Variants in DLG2 observed in about 807,000 individuals in gnomAD.
DLG2 encodes the protein discs large MAGUK scaffold protein 2.
In DLG2, 45 loss-of-function variants were observed where a neutral mutation model predicts 132.5. That is an observed-to-expected ratio of 0.34 (90% CI 0.27 to 0.44). The LOEUF (loss-of-function observed/expected upper bound fraction) is 0.44. Ranked by LOEUF, DLG2 falls within the 20% of genes least tolerant of loss-of-function variation. The pLI is 1.00. For missense variants in DLG2, 1,045 were observed against 1,196.9 expected, an observed-to-expected ratio of 0.87 and a Z score of 1.87; for synonymous variants, 424 against 419.6, an observed-to-expected ratio of 1.01 and a Z score of -0.13.
intron 4 of DLG2, among the ~76,000 whole-genome samples, chr11:85,185,593 G>A (rs1439122968): frequency 6.6e-6 from 1 of 151,562 alleles, no homozygotes; most frequent in African/African-American, 2.4e-5. Flanking sequence ...CCTTTTCCCA[G>A]TGCCACTAAT....
chr11:84,659,199 G>A (rs2099691778), intron 6 of DLG2, among the ~76,000 whole-genome samples: 1 of 151,856 alleles, frequency 6.6e-6, no homozygotes, highest in African/African-American at 2.4e-5. Flanking sequence ...CCAACTTGTA[G>A]GTAGCCTCAA....
chr11:83,973,710 AT>A (rs67082437), intron 12 of DLG2, among the ~76,000 whole-genome samples: 6 of 152,046 alleles, frequency 3.9e-5, no homozygotes, highest in African/African-American at 1.4e-4. Context: ...ACCTAAAAAA[AT>A]AAAATAAAAT....
At chr11:83,760,101 A>G (rs978623339) in intron 18 of DLG2, among the ~76,000 whole-genome samples, 1 of 152,208 alleles carries the variant, frequency 6.6e-6, no homozygotes, top group African/African-American at 2.4e-5. Flanking sequence ...TGCTTAATAA[A>G]CAAACTCAAC....
At chr11:85,440,257 T>A (rs1480601922) in intron 3 of DLG2, among the ~76,000 whole-genome samples, 2 of 152,196 alleles carry the variant, frequency 1.3e-5, no homozygotes, top group African/African-American at 4.8e-5. Flanking sequence ...ATAAATCATG[T>A]AACAATTGCT....
chr11:85,573,521 C>T (rs757554327), intron 3 of DLG2, among the ~76,000 whole-genome samples: 3 of 152,088 alleles, frequency 2.0e-5, no homozygotes, highest in Admixed American at 6.6e-5. Flanking sequence ...AGTGTAGTGG[C>T]TAGTAGCCAC....
chr11:84,245,175 C>T (rs1179340133), intron 8 of DLG2, among the ~76,000 whole-genome samples: 1 of 152,158 alleles, frequency 6.6e-6, no homozygotes, highest in Non-Finnish European at 1.5e-5. Context: ...GTCTCTATGT[C>T]ACTGAACCCA....
At chr11:85,365,192 C>A (rs189361780) in intron 3 of DLG2, among the ~76,000 whole-genome samples, 1 of 152,224 alleles carries the variant, frequency 6.6e-6, no homozygotes, top group East Asian at 1.9e-4. Context: ...CTCTCAGGAG[C>A]GGCTCTTTTT....
intron 2 of DLG2, among the ~76,000 whole-genome samples, chr11:85,602,746 C>T (rs2080256863): frequency 6.6e-6 from 1 of 152,210 alleles, no homozygotes; most frequent in South Asian, 2.1e-4. Flanking sequence ...TCTTAGACCT[C>T]TCCTCTTGCT....
intron 6 of DLG2, among the ~76,000 whole-genome samples, chr11:84,699,011 A>T (rs1456852804): frequency 6.6e-6 from 1 of 151,584 alleles, no homozygotes; most frequent in Non-Finnish European, 1.5e-5. Context: ...TCTGTGATCC[A>T]TTACAATTGT....
intron 6 of DLG2, among the ~76,000 whole-genome samples, chr11:84,569,133 C>T (rs2099470216): frequency 6.6e-6 from 1 of 152,154 alleles, no homozygotes; most frequent in South Asian, 2.1e-4. Flanking sequence ...CTACCAGTGT[C>T]AGAGCAAAGG....
intron 8 of DLG2, among the ~76,000 whole-genome samples, chr11:84,182,738 G>T (rs1263655353): frequency 6.6e-6 from 1 of 151,960 alleles, no homozygotes; most frequent in Non-Finnish European, 1.5e-5. Flanking sequence ...CAGAAGAAAA[G>T]AAGTAAAAGT....
chr11:85,059,738 G>C (rs1451558924), intron 6 of DLG2, among the ~76,000 whole-genome samples: 2 of 151,598 alleles, frequency 1.3e-5, no homozygotes, highest in Non-Finnish European at 3.0e-5. Flanking sequence ...AGTCAGAGGA[G>C]TGGTTATTTT....
At chr11:83,532,849 A>G (rs1392048880) in intron 20 of DLG2, 66 bp from the exon 21 acceptor site, 2 of 1,359,482 alleles carry the variant, frequency 1.5e-6, no homozygotes, top group Non-Finnish European at 2.1e-6. Flanking sequence ...TTCCATATTA[A>G]GTGAAGAACA....
At chr11:84,363,965 T>C (rs940278210) in intron 7 of DLG2, among the ~76,000 whole-genome samples, 1 of 152,188 alleles carries the variant, frequency 6.6e-6, no homozygotes, top group Non-Finnish European at 1.5e-5. Context: ...CTTTGTTCTT[T>C]AGGCTTAGGA....
chr11:83,542,503 C>A (rs866811748), intron 19 of DLG2, among the ~76,000 whole-genome samples: 1 of 152,280 alleles, frequency 6.6e-6, no homozygotes, highest in Middle Eastern at 3.4e-3. Context: ...AGACAAAAAT[C>A]ATATAAACAA....
chr11:83,729,710 G>A (rs2090647767), intron 18 of DLG2, among the ~76,000 whole-genome samples: 2 of 152,222 alleles, frequency 1.3e-5, no homozygotes, highest in African/African-American at 4.8e-5. Context: ...GAAGGTGGCA[G>A]TAAATTCAGT....
chr11:84,909,986 A>G (rs2091909826), intron 6 of DLG2, among the ~76,000 whole-genome samples: 1 of 152,206 alleles, frequency 6.6e-6, no homozygotes, highest in Non-Finnish European at 1.5e-5. Context: ...GGAGGGGATA[A>G]TGAGGGAAGA....
intron 6 of DLG2, among the ~76,000 whole-genome samples, chr11:84,743,960 G>A (rs992368290): frequency 6.6e-6 from 1 of 151,954 alleles, no homozygotes; most frequent in Non-Finnish European, 1.5e-5. Context: ...TCCTGACCTC[G>A]TGATCCACCT....
intron 6 of DLG2, among the ~76,000 whole-genome samples, chr11:84,612,159 T>C (rs1373234283): frequency 6.6e-6 from 1 of 152,150 alleles, no homozygotes; most frequent in Non-Finnish European, 1.5e-5. Context: ...GAATTTCATA[T>C]AGAGGGAAGT....
Sources: gnomAD v4.1 joint callset for allele counts (sites outside exome capture counted in the v4.1 genomes callset) on GRCh38, gnomAD v4.1.1 for gene constraint, MANE v1.5 for transcripts, NCBI Gene and HGNC (gene_info 2026-07-23, HGNC 2026-07-21) for gene names.